ZFHX3: variants seen among roughly 807,000 people sequenced by gnomAD.
ZFHX3 encodes the protein zinc finger homeobox protein 3.
In ZFHX3, 42 loss-of-function variants were observed where a neutral mutation model predicts 279.1. The ratio of observed to expected loss-of-function variants is 0.15; its 90% CI spans 0.12 to 0.19. ZFHX3 has a LOEUF of 0.19. ZFHX3 is among the 10% of genes least tolerant of loss of function. The pLI is 1.00. For synonymous variants in ZFHX3, 2,293 were observed against 1,957.8 expected (o/e 1.17, Z -4.52); for missense variants, 4,981 against 4,754.0 (o/e 1.05, Z -1.40).
chr16:72,962,201 G>T (rs1961613576), intron 1 of ZFHX3, among the ~76,000 whole-genome samples: 1 of 152,250 alleles, frequency 6.6e-6, no homozygotes, highest in Non-Finnish European at 1.5e-5. Flanking sequence ...CCAGGGACTT[G>T]TTTATCGACA....
At chr16:73,434,664 G>A (rs1465303667) in intron 3 of ZFHX3, among the ~76,000 whole-genome samples, 3 of 152,062 alleles carry the variant, frequency 2.0e-5, no homozygotes, top group East Asian at 1.9e-4. Flanking sequence ...GTTTTTGGAG[G>A]TGATCAGATA....
At chr16:73,681,614 G>C (rs536354100) in intron 1 of ZFHX3, among the ~76,000 whole-genome samples, 1 of 152,302 alleles carries the variant, frequency 6.6e-6, no homozygotes, top group African/African-American at 2.4e-5. Context: ...TAACGGCTAA[G>C]TCTGGCAAGG....
intron 1 of ZFHX3, among the ~76,000 whole-genome samples, chr16:73,834,176 G>A (rs1961076486): frequency 6.6e-6 from 1 of 152,102 alleles, no homozygotes; most frequent in African/African-American, 2.4e-5. Context: ...AGTTTCTCTG[G>A]TTCACTTCCT....
intron 1 of ZFHX3, among the ~76,000 whole-genome samples, chr16:72,967,940 A>AG (rs1028374008): frequency 5.3e-5 from 8 of 151,380 alleles, no homozygotes; most frequent in African/African-American, 1.9e-4. Context: ...AAAAAAAAAA[A>AG]AAGTTTGAAT....
intron 5 of ZFHX3, among the ~76,000 whole-genome samples, chr16:73,190,755 C>G (rs1968013691): frequency 6.6e-6 from 1 of 152,030 alleles, no homozygotes; most frequent in African/African-American, 2.4e-5. Flanking sequence ...ATTTAAGGAG[C>G]CAGTTTCCAA....
chr16:73,187,944 C>T (rs963411280), intron 5 of ZFHX3, among the ~76,000 whole-genome samples: 15 of 151,754 alleles, frequency 9.9e-5, no homozygotes, highest in African/African-American at 2.2e-4. Flanking sequence ...CTGCAAGCTC[C>T]GCCTCCCAGG....
In ZFHX3 at chr16:73,429,940, C is replaced by T. The variant is rs541146443; in HGVS notation, c.-1291+26063G>A. Among the ~76,000 whole-genome samples, 25 of 152,166 alleles carry T rather than the reference C, an allele frequency of 1.6e-4. No homozygotes were observed. In the East Asian group the frequency reaches 3.9e-3, roughly 24 times the overall value. On this transcript the variant is annotated intron_variant, in intron 3 of 17. Transcript: ENST00000641206. ...CCTTGCTCTGTCGCCCAGGCTGGAG[C>T]GCAGTAGTGTGATCTCTGCTCACTG...
At chr16:73,557,185 G>A (rs1008404374) in intron 2 of ZFHX3, among the ~76,000 whole-genome samples, 2 of 151,712 alleles carry the variant, frequency 1.3e-5, no homozygotes, top group Non-Finnish European at 2.9e-5. Context: ...CCCATGGTGT[G>A]GCCGGGCCTT....
At chr16:73,217,764 T>A (rs2012266928) in intron 5 of ZFHX3, among the ~76,000 whole-genome samples, 1 of 152,126 alleles carries the variant, frequency 6.6e-6, no homozygotes. Flanking sequence ...ATTTATTTTT[T>A]TCTACCCAAG....
In ZFHX3 at chr16:72,959,490, G is replaced by A. The variant is rs2144452737; in HGVS notation, c.656C>T (p.Ser219Leu). Residue 219 changes from serine to leucine, a missense_variant, in exon 2 of 10, where the codon TCA becomes TTA. This residue lies in a region of ZFHX3 where 1,068 missense variants were observed against 935.2 expected (regional missense o/e 1.14). Transcript: ENST00000268489. ...EGPDQAFPNT[S>L]ALAGLSPVLH... is the part of the protein sequence containing the mutation. Reference sequence around the variant, plus strand: ...GACGGGGCTGAGCCCCGCCAGGGCTGAGGTATTCGGGAAAGCCTGGTCTGG... The same window carrying A: ...GACGGGGCTGAGCCCCGCCAGGGCTAAGGTATTCGGGAAAGCCTGGTCTGG... 6.2e-7 allele frequency: 1 copy of A among 1,614,282 alleles called. No homozygotes were observed. Among genetic ancestry groups the A allele is most frequent in the Non-Finnish European group, 8.5e-7 (1 of 1,180,048 alleles).
At chr16:73,641,935 G>C (rs1225356607) in intron 2 of ZFHX3, among the ~76,000 whole-genome samples, 1 of 152,134 alleles carries the variant, frequency 6.6e-6, no homozygotes, top group Non-Finnish European at 1.5e-5. Flanking sequence ...ATGCAAACGA[G>C]ATAGGTGACG....
intron 1 of ZFHX3, among the ~76,000 whole-genome samples, chr16:72,961,914 C>G (rs573299454): frequency 6.8e-6 from 1 of 148,024 alleles, no homozygotes; most frequent in Non-Finnish European, 1.5e-5. Flanking sequence ...CAAACCAAAC[C>G]AAACCAAACC....
rs570722353 is a variant in ZFHX3 at position 73,186,551 on chromosome 16, A to G, written c.-1103-42720T>C. On this transcript the variant is annotated intron_variant, in intron 5 of 17. Transcript: ENST00000641206. ...ACCAGCCAATTCCCTAGTTTCCAGGAAAAGTTTTTTTTTTTTTTTTCACTC... is the reference window on the plus strand; with the variant it reads ...ACCAGCCAATTCCCTAGTTTCCAGGGAAAGTTTTTTTTTTTTTTTTCACTC... 2.2e-4 allele frequency among the ~76,000 whole-genome samples: 32 copies of G among 148,030 alleles called. 1 individual carries two copies. Among genetic ancestry groups the G allele is most frequent in the African/African-American group, 7.9e-4 (31 of 39,234 alleles).
intron 3 of ZFHX3, among the ~76,000 whole-genome samples, chr16:73,422,774 A>G (rs1788997254): frequency 6.6e-6 from 1 of 152,184 alleles, no homozygotes; most frequent in Non-Finnish European, 1.5e-5. Context: ...TGTCATTCCC[A>G]ATCTCCATTG....
At chr16:73,424,647 G>A (rs559639667) in intron 3 of ZFHX3, among the ~76,000 whole-genome samples, 3 of 151,554 alleles carry the variant, frequency 2.0e-5, no homozygotes, top group South Asian at 4.2e-4. Flanking sequence ...TCAGCCGCTT[G>A]GGAGGCTGAG....
Position 72,788,573 on chromosome 16 carries a change from T to C in ZFHX3, c.9703A>G (p.Lys3235Glu), listed in dbSNP as rs766755074. ...TTCTCCTTTACTTTCTCACTGTCTT[T>C]GTCCTTGCGTTGCTGCTGCTGTTGC... ...PLQQQQQRKD[K>E]DSEKVKEKEK... Residue 3235 changes from lysine to glutamate, a missense_variant, in exon 10 of 10, where the codon AAA (lysine) becomes GAA (glutamate). By Grantham distance (56) the Lys-to-Glu change is moderately conservative. Transcript: ENST00000268489. 1.1e-5 allele frequency: 18 copies of C among 1,613,956 alleles called. No individual in the cohort carries two copies. In the South Asian group the frequency reaches 1.9e-4, roughly 17 times the overall value.
At chr16:72,791,218 A>C (rs1412450639) in intron 9 of ZFHX3, 1 of 152,220 alleles carries the variant, frequency 6.6e-6, no homozygotes, top group African/African-American at 2.4e-5. Context: ...GATTAAATGA[A>C]AGACCACATT....
chr16:73,503,104 T>C (rs1045837966), intron 2 of ZFHX3, among the ~76,000 whole-genome samples: 2 of 152,196 alleles, frequency 1.3e-5, no homozygotes, highest in African/African-American at 4.8e-5. Flanking sequence ...AGATGATGCA[T>C]CCCTAAAATG....
At chr16:73,315,533 A>T (rs1463811250) in intron 4 of ZFHX3, among the ~76,000 whole-genome samples, 2 of 152,132 alleles carry the variant, frequency 1.3e-5, no homozygotes, top group African/African-American at 4.8e-5. Flanking sequence ...CTTATCTTTC[A>T]CATAATTTCC....
Sources: allele counts gnomAD v4.1 joint callset (sites outside exome capture counted in the v4.1 genomes callset), GRCh38; gene constraint gnomAD v4.1.1; regional missense constraint gnomAD v4.1.1; transcripts MANE v1.5; gene names NCBI Gene and HGNC (gene_info 2026-07-23, HGNC 2026-07-21).